Variants in SLC4A5 observed in about 807,000 individuals in gnomAD.
The protein encoded by SLC4A5 is solute carrier family 4 member 5.
Under a neutral mutation model 120.4 loss-of-function variants are expected in SLC4A5, and 96 were observed. That is an observed-to-expected ratio of 0.80 (90% CI 0.68 to 0.94). SLC4A5 has a LOEUF of 0.94. Among genes scored for constraint, SLC4A5 ranks in the 40% least tolerant of loss-of-function variants. The pLI is 0.00. For synonymous variants in SLC4A5, 550 were observed against 571.1 expected, an observed-to-expected ratio of 0.96 and a Z score of 0.53; for missense variants, 1,259 against 1,459.5, an observed-to-expected ratio of 0.86 and a Z score of 2.24.
At chr2:74,234,848 T>C (rs78794062) in intron 22 of SLC4A5, among the ~76,000 whole-genome samples, 35 of 152,296 alleles carry the variant, frequency 2.3e-4, no homozygotes, top group African/African-American at 8.4e-4. Context: ...TTCTGCTGGG[T>C]TGGAGGGTGA....
At chr2:74,276,041 C>T (rs887654616) in intron 8 of SLC4A5, among the ~76,000 whole-genome samples, 1 of 152,170 alleles carries the variant, frequency 6.6e-6, no homozygotes, top group Non-Finnish European at 1.5e-5. Flanking sequence ...GGGCTCCAAG[C>T]ACCCCACAGC....
Position 74,255,768 on chromosome 2 carries a change from C to T in SLC4A5, c.1025+7G>A. 1 of 1,613,998 alleles carries T rather than the reference C, an allele frequency of 6.2e-7. No individual in the cohort carries two copies. The highest frequency in any genetic ancestry group is 8.5e-7 in the Non-Finnish European group (1 of 1,179,940). Reference sequence around the variant, plus strand: ...GTGGCGTGGGGACAGGTTTCAATGGCTCTCACCTGGTGGGGACAGGCACCT... The same window carrying T: ...GTGGCGTGGGGACAGGTTTCAATGGTTCTCACCTGGTGGGGACAGGCACCT... On this transcript the variant is annotated splice_region_variant and intron_variant, in intron 13 of 30. Transcript: ENST00000394019. This position sits in a 1 kb window ranked among gnomAD's most constrained non-coding sequence, Gnocchi z 4.0.
At chr2:74,223,339 A>G (rs1033433395) in intron 28 of SLC4A5, among the ~76,000 whole-genome samples, 13 of 152,180 alleles carry the variant, frequency 8.5e-5, no homozygotes, top group African/African-American at 3.1e-4. Flanking sequence ...TGGAAAATGC[A>G]TGCATGAACA....
At chr2:74,291,264 G>C (rs1479208755) in intron 7 of SLC4A5, among the ~76,000 whole-genome samples, 1 of 152,208 alleles carries the variant, frequency 6.6e-6, no homozygotes, top group African/African-American at 2.4e-5. Flanking sequence ...CTCCACTGGG[G>C]AATTATTTTG....
chr2:74,307,301 G>A, intron 6 of SLC4A5: 1 of 539,286 alleles, frequency 1.9e-6, no homozygotes, highest in Non-Finnish European at 3.5e-6. Context: ...AAGATTTGGG[G>A]ACATGTACCT....
intron 6 of SLC4A5, among the ~76,000 whole-genome samples, chr2:74,310,729 A>G (rs1003707766): frequency 1.3e-5 from 2 of 152,092 alleles, no homozygotes; most frequent in Non-Finnish European, 2.9e-5. Context: ...ATTTTTGCAT[A>G]TATATTCATA....
In SLC4A5 at chr2:74,262,146, C is replaced by T. The variant is rs974271891; in HGVS notation, c.802G>A (p.Gly268Arg). 32 of 1,613,502 alleles carry T rather than the reference C, an allele frequency of 2.0e-5. No individual in the cohort carries two copies. The highest frequency in any genetic ancestry group is 3.3e-5 in the Admixed American group (2 of 59,994). ...CAGAGCACACACTCACACAGACGTC[C>T]GTAATTTGCACTCTGCCGCATCCGC... The change falls in exon 11 of 31, where the codon GGA (glycine) becomes AGA (arginine). Residue 268 changes from glycine (G) to arginine (R), a missense_variant. By Grantham distance (125) the Gly-to-Arg change is moderately radical (BLOSUM62 -2). Coordinates refer to ENST00000394019, the Ensembl canonical transcript of SLC4A5.
intron 6 of SLC4A5, 87 bp downstream of exon 6, chr2:74,314,858 T>C: frequency 8.0e-7 from 1 of 1,245,138 alleles, no homozygotes; most frequent in East Asian, 2.3e-5. Context: ...CTCCCTAGAC[T>C]CTCCTGCTGA....
intron 18 of SLC4A5, among the ~76,000 whole-genome samples, chr2:74,247,865 G>C (rs1214441664): frequency 6.6e-6 from 1 of 152,032 alleles, no homozygotes; most frequent in Non-Finnish European, 1.5e-5. Flanking sequence ...AAGGTGCCAA[G>C]ACATCTCAGT....
intron 7 of SLC4A5, among the ~76,000 whole-genome samples, chr2:74,287,719 C>T (rs1672028058): frequency 1.3e-5 from 2 of 152,184 alleles, no homozygotes; most frequent in Non-Finnish European, 2.9e-5. Flanking sequence ...ATAAAGGCCT[C>T]CAGGCATGAA....
intron 7 of SLC4A5, among the ~76,000 whole-genome samples, chr2:74,293,019 G>C (rs1672220877): frequency 1.3e-5 from 2 of 150,778 alleles, no homozygotes; most frequent in Admixed American, 1.3e-4. Context: ...GCTGAGGCTG[G>C]CCTCAGCAAG....
exon 31 of SLC4A5, chr2:74,218,390 T>C (rs1366410481): frequency 6.6e-6 from 1 of 152,260 alleles, no homozygotes; most frequent in Admixed American, 6.5e-5. Flanking sequence ...TTAGAATTTC[T>C]ATGCTGAACT....
chr2:74,323,710 A>C (rs968010336), intron 5 of SLC4A5, among the ~76,000 whole-genome samples: 1 of 152,262 alleles, frequency 6.6e-6, no homozygotes, highest in Admixed American at 6.5e-5. Context: ...CTCTGCAAGG[A>C]ATAAAATGTG....
rs1694711154 is a variant in SLC4A5 at position 74,223,030 on chromosome 2, AG to A, written c.3247-79del. 8.4e-6 allele frequency: 8 copies of A among 956,106 alleles called. No individual in the cohort carries two copies. The South Asian group carries it at 9.9e-5, about 12-fold the overall frequency. The allele number at this position is 956,106 out of a possible 1,614,324, so 59.2% of individuals were successfully genotyped here. A position where few individuals can be genotyped will look rare whatever the true frequency, so the allele number is the denominator to read the frequency against. ...TTCTTTTTTTTTTTTTTTGAGACAGAGTCTCGCTCTACTGCCCAGGCTGGAG... is the reference window on the plus strand; with the variant it reads ...TTCTTTTTTTTTTTTTTTGAGACAGATCTCGCTCTACTGCCCAGGCTGGAG... On this transcript the variant is annotated intron_variant, in intron 28 of 30. Coordinates refer to ENST00000394019, the Ensembl canonical transcript of SLC4A5.
chr2:74,254,575 G>T (rs1670899719), intron 14 of SLC4A5, 44 bp downstream of exon 14: 1 of 1,475,646 alleles, frequency 6.8e-7, no homozygotes, highest in African/African-American at 1.4e-5. Flanking sequence ...GCTTGGTGCA[G>T]GAGCTGTAAA....
At chr2:74,236,447 C>T (rs1247372160) in intron 21 of SLC4A5, among the ~76,000 whole-genome samples, 4 of 152,116 alleles carry the variant, frequency 2.6e-5, no homozygotes, top group Non-Finnish European at 5.9e-5. Context: ...CTCTATCCTC[C>T]TACCACCTCT....
At chr2:74,259,599 T>G (rs905934121) in exon 12 of SLC4A5, 1 of 1,614,186 alleles carries the variant, frequency 6.2e-7, no homozygotes, top group Non-Finnish European at 8.5e-7. Context: ...TGGTCTGTGT[T>G]TGGGGTGAGA....
At chr2:74,222,824 A>G in intron 29 of SLC4A5, 44 bp downstream of exon 29, 3 of 1,487,956 alleles carry the variant, frequency 2.0e-6, no homozygotes, top group Non-Finnish European at 2.8e-6. Flanking sequence ...AAAGACATGG[A>G]GGACTAGTAG....
intron 24 of SLC4A5, among the ~76,000 whole-genome samples, chr2:74,231,709 T>C (rs1466682493): frequency 6.6e-6 from 1 of 152,230 alleles, no homozygotes; most frequent in Non-Finnish European, 1.5e-5. Context: ...TAAAATGCTA[T>C]TACTCTGCCC....
Sources: allele counts gnomAD v4.1 joint callset (sites outside exome capture counted in the v4.1 genomes callset), GRCh38; gene constraint gnomAD v4.1.1; non-coding constraint Gnocchi (gnomAD v3.1); transcripts MANE v1.5; gene names NCBI Gene and HGNC (gene_info 2026-07-23, HGNC 2026-07-21).